DOCK2: variants seen among roughly 807,000 people sequenced by gnomAD.
DOCK2 encodes dedicator of cytokinesis 2.
A neutral mutation model predicts 248.9 loss-of-function variants in DOCK2; 87 were observed. That is an observed-to-expected ratio of 0.35 (90% CI 0.29 to 0.42). The LOEUF (loss-of-function observed/expected upper bound fraction) is 0.42. DOCK2 is among the 10% of genes least tolerant of loss of function. The pLI is 1.00. For missense variants in DOCK2, 1,747 were observed against 2,300.2 expected (o/e 0.76, Z 4.92); for synonymous variants, 805 against 821.6 (o/e 0.98, Z 0.35).
chr5:169,736,317 G>A (rs1763039716), intron 22 of DOCK2, among the ~76,000 whole-genome samples: 1 of 152,178 alleles, frequency 6.6e-6, no homozygotes, highest in Non-Finnish European at 1.5e-5. Flanking sequence ...GGTCAGCAGG[G>A]TCTGGTAGCT....
chr5:169,665,447 T>G (rs984743119), intron 2 of DOCK2, among the ~76,000 whole-genome samples: 8 of 151,450 alleles, frequency 5.3e-5, no homozygotes, highest in African/African-American at 1.9e-4. Flanking sequence ...CATGTTTATA[T>G]GTATATACAC....
chr5:169,930,239 C>T (rs1449979097), intron 27 of DOCK2, among the ~76,000 whole-genome samples: 2 of 152,178 alleles, frequency 1.3e-5, no homozygotes, highest in Non-Finnish European at 2.9e-5. Context: ...ATCCGCCTGC[C>T]TCGGCCTCCC....
intron 27 of DOCK2, among the ~76,000 whole-genome samples, chr5:169,918,070 C>T (rs1013102836): frequency 1.3e-5 from 2 of 152,166 alleles, no homozygotes; most frequent in African/African-American, 4.8e-5. Context: ...ATATTCTACC[C>T]TTCCTATTTT....
intron 27 of DOCK2, chr5:169,884,376 T>G (rs1772848843): frequency 6.5e-6 from 1 of 153,016 alleles, no homozygotes. Flanking sequence ...TCCCAGAGCA[T>G]TAATTTCCAG....
At chr5:169,937,408 G>A (rs1463482774) in intron 27 of DOCK2, among the ~76,000 whole-genome samples, 1 of 152,206 alleles carries the variant, frequency 6.6e-6, no homozygotes, top group African/African-American at 2.4e-5. Context: ...TTTCTTAAGT[G>A]TAAAATAGGG....
intron 27 of DOCK2, among the ~76,000 whole-genome samples, chr5:169,851,757 G>A (rs946288078): frequency 5.9e-5 from 9 of 152,228 alleles, no homozygotes; most frequent in South Asian, 4.2e-4. Context: ...GGTTTTACAC[G>A]GTGGCAGGAG....
At chr5:169,941,328 C>CTCGG (rs1776236823) in intron 27 of DOCK2, among the ~76,000 whole-genome samples, 2 of 152,190 alleles carry the variant, frequency 1.3e-5, no homozygotes, top group Admixed American at 6.5e-5. Flanking sequence ...CTGTCTCAGC[C>CTCGG]GCCCAAGTAG....
At chr5:170,073,877 A>G (rs2113873118) in intron 46 of DOCK2, among the ~76,000 whole-genome samples, 1 of 152,268 alleles carries the variant, frequency 6.6e-6, no homozygotes, top group African/African-American at 2.4e-5. Context: ...GTATCTTTTC[A>G]AAGAAACAAA....
intron 26 of DOCK2, among the ~76,000 whole-genome samples, chr5:169,830,006 T>C (rs551985677): frequency 4.6e-5 from 7 of 152,354 alleles, no homozygotes; most frequent in African/African-American, 1.2e-4. Context: ...ATCATTTATA[T>C]AATAGGATCC....
chr5:170,045,224 A>G (rs1478957947), intron 38 of DOCK2, among the ~76,000 whole-genome samples: 1 of 152,188 alleles, frequency 6.6e-6, no homozygotes, highest in Non-Finnish European at 1.5e-5. Flanking sequence ...AGGACTGCAT[A>G]TCAGGAGAAC....
chr5:169,965,342 C>T (rs1439866484), intron 27 of DOCK2, among the ~76,000 whole-genome samples: 2 of 152,202 alleles, frequency 1.3e-5, no homozygotes, highest in Non-Finnish European at 2.9e-5. Flanking sequence ...GCTGCTGGTC[C>T]ACAGGCCACA....
At chr5:170,043,517 T>A (rs1190099941) in intron 38 of DOCK2, among the ~76,000 whole-genome samples, 2 of 152,328 alleles carry the variant, frequency 1.3e-5, no homozygotes, top group Non-Finnish European at 2.9e-5. Context: ...AGCACTCAAT[T>A]TGGGCCTGTC....
At position 170,042,456 on chromosome 5, in the gene DOCK2, A is replaced by G. The variant is rs568228954; in HGVS notation, c.3876+324A>G. ...CCATTCCCCCACTCGCAGTTTCTCA[A>G]TGGCTCTCCCAATCTACTTAAAACA... On this transcript the variant is annotated intron_variant, in intron 38 of 51. Coordinates refer to ENST00000520908, the MANE Select transcript of DOCK2 (RefSeq NM_004946.3). 2.6e-5 allele frequency among the ~76,000 whole-genome samples: 4 copies of G among 152,276 alleles called. 1 individual carries two copies. Among genetic ancestry groups the G allele is most frequent in the South Asian group, 4.1e-4 (2 of 4,822 alleles).
At chr5:169,893,862 G>A (rs1297167173) in intron 27 of DOCK2, among the ~76,000 whole-genome samples, 3 of 152,194 alleles carry the variant, frequency 2.0e-5, no homozygotes, top group Non-Finnish European at 4.4e-5. Context: ...AAGAAGGCAG[G>A]AAAATCGTTT....
chr5:170,077,612 C>A, intron 47 of DOCK2, 98 bp from the exon 48 acceptor site: 1 of 1,544,802 alleles, frequency 6.5e-7, no homozygotes, highest in South Asian at 1.2e-5. Flanking sequence ...CTCAGCCCCA[C>A]AACTCTGCCC....
intron 27 of DOCK2, among the ~76,000 whole-genome samples, chr5:169,975,096 C>T (rs560339526): frequency 8.5e-5 from 13 of 152,290 alleles, no homozygotes; most frequent in South Asian, 2.1e-4. Flanking sequence ...AAACTAAAGT[C>T]CATGCCCACA....
chr5:169,797,447 A>G (rs1197454171), intron 25 of DOCK2, among the ~76,000 whole-genome samples: 1 of 152,252 alleles, frequency 6.6e-6, no homozygotes, highest in Non-Finnish European at 1.5e-5. Flanking sequence ...GCAAAAGCAC[A>G]CCACACTTCA....
At chr5:169,819,162 T>G (rs954654790) in intron 26 of DOCK2, among the ~76,000 whole-genome samples, 22 of 152,294 alleles carry the variant, frequency 1.4e-4, no homozygotes, top group African/African-American at 5.1e-4. Flanking sequence ...AAACTACCCT[T>G]GGCCAGGCCC....
At chr5:169,817,158 C>T (rs557155178) in intron 26 of DOCK2, among the ~76,000 whole-genome samples, 1 of 152,300 alleles carries the variant, frequency 6.6e-6, no homozygotes, top group South Asian at 2.1e-4. Flanking sequence ...GAAATCACCC[C>T]AGGTTCTTTT....
Sources: allele counts gnomAD v4.1 joint callset (sites outside exome capture counted in the v4.1 genomes callset), GRCh38; gene constraint gnomAD v4.1.1; transcripts MANE v1.5; gene names NCBI Gene and HGNC (gene_info 2026-07-23, HGNC 2026-07-21).